Variants in FTCD observed in about 807,000 individuals in gnomAD.
FTCD encodes formimidoyltransferase-cyclodeaminase.
FTCD carries 76 observed loss-of-function variants against 62.9 expected under a neutral mutation model. That is an observed-to-expected ratio of 1.21 (90% CI 1.00 to 1.46). The LOEUF (loss-of-function observed/expected upper bound fraction) is 1.46, where lower values mean the gene tolerates loss of function less well. Ranked by LOEUF, FTCD falls within the 40% of genes most tolerant of loss-of-function variation. The pLI is 0.00. For synonymous variants in FTCD, 397 were observed against 336.9 expected (o/e 1.18, Z -1.95); for missense variants, 845 against 751.3 (o/e 1.12, Z -1.46).
rs750617099 is a variant in FTCD, at chr21:46,154,287, C to G, written c.100G>C (p.Val34Leu). 6.2e-7 allele frequency: 1 copy of G among 1,612,126 alleles called. No homozygotes were observed. Among genetic ancestry groups the G allele is most frequent in the African/African-American group, 1.3e-5 (1 of 75,040 alleles). Reference protein sequence around the residue: ...SGAITQTPGCVLLDVDAGPST... With the variant: ...SGAITQTPGCLLLDVDAGPST... Reference sequence around the variant, plus strand: ...GGGCCTGCGTCCACATCCAGCAGCACGCAGCCCGGGGTCTGTGTGATGGCT... The same window carrying G: ...GGGCCTGCGTCCACATCCAGCAGCAGGCAGCCCGGGGTCTGTGTGATGGCT... Residue 34 changes from valine (V) to leucine (L), a missense_variant, in exon 2 of 14, where the codon GTG becomes CTG. Val to Leu is a conservative substitution (Grantham distance 32). Coordinates refer to ENST00000397746, the MANE Select transcript of FTCD (RefSeq NM_206965.2).
chr21:46,141,851 G>C (rs941440035), intron 10 of FTCD, among the ~76,000 whole-genome samples: 1 of 152,230 alleles, frequency 6.6e-6, no homozygotes, highest in Non-Finnish European at 1.5e-5. Flanking sequence ...TGCTTAACCT[G>C]CCCGGTAATG....
Position 46,151,580 on chromosome 21 carries a change from T to C in FTCD, c.614A>G (p.Glu205Gly). ...CACCTGGTCCTTCCCGCGGCCCTGC[T>C]CCCGCAGGTTGAGCGCGATGCGGTG... ...QAHRIALNLR[E>G]QGRGKDQPGR... The change falls in exon 5 of 14, where the codon GAG becomes GGG. Residue 205 changes from glutamate (E) to glycine (G), a missense_variant. Transcript: ENST00000397746. The C allele has an allele frequency of 1.1e-5, 18 of 1,612,764 alleles. No homozygotes were observed. The highest frequency in any genetic ancestry group is 1.4e-5 in the Non-Finnish European group (17 of 1,179,822).
chr21:46,138,206 C>G (rs1465585807), intron 12 of FTCD, among the ~76,000 whole-genome samples: 1 of 152,150 alleles, frequency 6.6e-6, no homozygotes, highest in African/African-American at 2.4e-5. Flanking sequence ...TAGGTGTTTT[C>G]TAGAACAAGA....
rs774915778 is a variant in FTCD, at chr21:46,151,708, A to G, written c.486T>C (p.Phe162=). The G allele has an allele frequency of 1.9e-6, 3 of 1,612,842 alleles. No individual in the cohort carries two copies. In the African/African-American group the frequency reaches 4.0e-5, roughly 22 times the overall value. ...KLQQADWAPD[F]GPSSFVPSWG... is the part of the protein sequence containing the mutation. The stretch of plus-strand genomic sequence containing the variant: ...AACTGGGGACAAAGGAGCTGGGACC[A>G]AAGTCGGGCGCCCAGTCGGCCTGCT... Residue 162 remains phenylalanine (F), a synonymous_variant, in exon 5 of 14, where the codon TTT becomes TTC. Coordinates refer to ENST00000397746, the MANE Select transcript of FTCD (RefSeq NM_206965.2).
chr21:46,146,186 G>A, intron 8 of FTCD, 80 bp downstream of exon 8: 1 of 1,036,754 alleles, frequency 9.6e-7, no homozygotes, highest in South Asian at 1.3e-5. Context: ...GGGTCTCCAC[G>A]CAGGGACCCC....
At position 46,138,925 on chromosome 21, in the gene FTCD, T is replaced by C. The variant is rs1219604117; in HGVS notation, c.1261-2A>G. ...GTTCTTGGGGAGCCTCATTGCTTCC[T>C]GCCATAAAGAGACAGAACCACTGGG... On this transcript the variant is annotated splice_acceptor_variant, in intron 10 of 13. Transcript: ENST00000397746. LOFTEE classifies it high-confidence loss of function. The C allele has an allele frequency of 1.2e-6, 2 of 1,612,304 alleles. No individual in the cohort carries two copies. Among genetic ancestry groups the C allele is most frequent in the Non-Finnish European group, 1.7e-6 (2 of 1,178,538 alleles).
chr21:46,138,406 C>T, intron 12 of FTCD, 102 bp downstream of exon 12: 2 of 1,186,370 alleles, frequency 1.7e-6, no homozygotes, highest in South Asian at 1.3e-5. Flanking sequence ...GGTCTCCCTA[C>T]CTGGCTCAGC....
rs1489996899 is a variant in FTCD, at chr21:46,136,802, G to A, written c.*185C>T. 1 of 1,532,986 alleles carries A rather than the reference G, an allele frequency of 6.5e-7. No individual in the cohort carries two copies. Among genetic ancestry groups the A allele is most frequent in the African/African-American group, 1.4e-5 (1 of 72,456 alleles). The allele number at this position is 1,532,986 out of a possible 1,614,324, so 95.0% of individuals were successfully genotyped here. On this transcript the variant is annotated 3_prime_UTR_variant, in exon 14 of 14. Transcript: ENST00000397746. The stretch of plus-strand genomic sequence containing the variant: ...GGTTTGGTGCCAAAACTTTACTGGA[G>A]GTCACATGGGACTAGGGGCCTTCTG...
intron 2 of FTCD, among the ~76,000 whole-genome samples, chr21:46,153,532 G>C (rs1468617409): frequency 6.6e-6 from 1 of 152,182 alleles, no homozygotes; most frequent in African/African-American, 2.4e-5. Flanking sequence ...CCTCGCTGTG[G>C]CTACACCAAG....
At chr21:46,141,943 A>T (rs945632510) in intron 10 of FTCD, among the ~76,000 whole-genome samples, 4 of 152,136 alleles carry the variant, frequency 2.6e-5, no homozygotes, top group African/African-American at 9.7e-5. Flanking sequence ...TGCTTCCCCC[A>T]GTGGAAAACC....
intron 10 of FTCD, chr21:46,142,311 T>C (rs1370468247): frequency 6.6e-6 from 1 of 151,078 alleles, no homozygotes; most frequent in Non-Finnish European, 1.5e-5. Context: ...AGCTGTTTCT[T>C]CCTCCCGGTG....
At chr21:46,149,582 C>T (rs558200010) in intron 7 of FTCD, among the ~76,000 whole-genome samples, 3 of 151,984 alleles carry the variant, frequency 2.0e-5, no homozygotes, top group African/African-American at 7.3e-5. Flanking sequence ...GCAGTGACCT[C>T]GAGTGAAAGG....
chr21:46,155,501 A>G lies in FTCD; in HGVS notation c.23T>C (p.Val8Ala). 1 of 1,612,942 alleles carries G rather than the reference A, an allele frequency of 6.2e-7. No homozygotes were observed. Residue 8 changes from valine (V) to alanine (A), a missense_variant, in exon 1 of 14, where the codon GTC (valine) becomes GCC (alanine). Coordinates refer to ENST00000397746, the MANE Select transcript of FTCD (RefSeq NM_206965.2). ...GTTCTTCCCCTCCGAAAAGTTGGGG[A>G]CGCATTCCACCAGCTGGGACATGGC... is the stretch of plus-strand genomic sequence containing the variant. MSQLVEC[V>A]PNFSEGKNQE...
At chr21:46,145,384 G>C (rs1160413427) in intron 10 of FTCD, 33 bp downstream of exon 10, 1 of 1,515,754 alleles carries the variant, frequency 6.6e-7, no homozygotes, top group South Asian at 1.2e-5. Flanking sequence ...CTGTTGGTGG[G>C]GCCCGGGGAG....
intron 7 of FTCD, among the ~76,000 whole-genome samples, chr21:46,147,186 C>A (rs1601329979): frequency 6.6e-6 from 1 of 152,146 alleles, no homozygotes; most frequent in Non-Finnish European, 1.5e-5. Context: ...CGACTGGAGA[C>A]CCCTGGAAGG....
intron 2 of FTCD, 81 bp downstream of exon 2, chr21:46,154,068 C>T: frequency 6.8e-7 from 1 of 1,462,862 alleles, no homozygotes; most frequent in Non-Finnish European, 9.6e-7. Flanking sequence ...CCGGGCCTAC[C>T]CCCTCTCCCA....
chr21:46,146,112 C>T (rs919206937), intron 8 of FTCD, among the ~76,000 whole-genome samples, 154 bp downstream of exon 8: 1 of 151,974 alleles, frequency 6.6e-6, no homozygotes, highest in Non-Finnish European at 1.5e-5. Flanking sequence ...CCCCTCAGCC[C>T]CCAGACCCCG....
rs768705350 is a variant in FTCD, at chr21:46,146,268, G to T, written c.966C>A (p.Ile322=). The change falls in exon 8 of 14, where the codon ATC becomes ATA. Residue 322 remains isoleucine, a splice_region_variant and synonymous_variant. Transcript: ENST00000397746. ...AGGGCGGGAGGGCAGAGGCTCACTCGATGATCCGCTCCTTAGGGCTGAAGG... is the reference window on the plus strand; with the variant it reads ...AGGGCGGGAGGGCAGAGGCTCACTCTATGATCCGCTCCTTAGGGCTGAAGG... ...LCPFSPKERI[I]EYLVPERGPE... 7 of 1,597,458 alleles carry T rather than the reference G, an allele frequency of 4.4e-6. No individual in the cohort carries two copies. In the Admixed American group the frequency reaches 1.2e-4, roughly 27 times the overall value.
intron 10 of FTCD, among the ~76,000 whole-genome samples, chr21:46,144,394 C>T: frequency 7.5e-6 from 1 of 132,864 alleles, no homozygotes; most frequent in Non-Finnish European, 1.6e-5. Flanking sequence ...CTCTCCCTCC[C>T]TCTCTCTCCA....
Sources: gnomAD v4.1 joint callset for allele counts (sites outside exome capture counted in the v4.1 genomes callset) on GRCh38, gnomAD v4.1.1 for gene constraint, MANE v1.5 for transcripts, NCBI Gene and HGNC (gene_info 2026-07-23, HGNC 2026-07-21) for gene names.